The following RNF25 variants were observed in gnomAD, a reference collection of about 807,000 sequenced individuals.
RNF25 encodes ring finger protein 25.
In RNF25, 32 loss-of-function variants were observed where a neutral mutation model predicts 65.0. The ratio of observed to expected loss-of-function variants is 0.49; its 90% CI spans 0.37 to 0.66. The LOEUF (loss-of-function observed/expected upper bound fraction) is 0.66, where lower values mean the gene tolerates loss of function less well. Among genes scored for constraint, RNF25 ranks in the 30% least tolerant of loss-of-function variants. The probability of loss-of-function intolerance (pLI) is 0.00; values close to 1 mark genes in which losing one functional copy is unlikely to be tolerated. For missense variants in RNF25, 493 were observed against 584.8 expected (o/e 0.84, Z 1.62); for synonymous variants, 207 against 221.2 (o/e 0.94, Z 0.57).
intron 8 of RNF25, 52 bp downstream of exon 8, chr2:218,665,103 T>A: frequency 6.4e-7 from 1 of 1,573,096 alleles, no homozygotes; most frequent in Non-Finnish European, 8.7e-7. Context: ...CATTCCTTAC[T>A]CTTTAGAAAA....
intron 7 of RNF25, 106 bp from the exon 8 acceptor site, chr2:218,665,353 G>A: frequency 1.1e-6 from 1 of 923,538 alleles, no homozygotes; most frequent in East Asian, 2.5e-5. Flanking sequence ...AAGGGCACAG[G>A]GACACCGGTT....
At chr2:218,667,840 G>A in intron 5 of RNF25, 72 bp downstream of exon 5, 1 of 1,396,068 alleles carries the variant, frequency 7.2e-7, no homozygotes, top group Non-Finnish European at 1.0e-6. Context: ...TAGGCCCATG[G>A]TTTCCCTTTT....
intron 7 of RNF25, 58 bp downstream of exon 7, chr2:218,665,858 T>C: frequency 6.4e-7 from 1 of 1,558,320 alleles, no homozygotes; most frequent in South Asian, 1.2e-5. Flanking sequence ...GATGGAAAAG[T>C]TTGTGAAAGG....
chr2:218,665,005 T>A, intron 8 of RNF25, 132 bp from the exon 9 acceptor site: 1 of 1,461,804 alleles, frequency 6.8e-7, no homozygotes, highest in Non-Finnish European at 9.4e-7. Flanking sequence ...AGTCTTAGGC[T>A]CCCGCCAGTG....
intron 5 of RNF25, 117 bp from the exon 6 acceptor site, chr2:218,666,347 C>T: frequency 1.3e-6 from 1 of 776,888 alleles, no homozygotes; most frequent in Non-Finnish European, 2.2e-6. Flanking sequence ...AGTTTGTTAC[C>T]TTGTGTTTAT....
rs1472555367 is a variant in RNF25, at chr2:218,667,961, T to C, written c.308A>G (p.His103Arg). 6.2e-7 allele frequency: 1 copy of C among 1,614,224 alleles called. No individual in the cohort carries two copies. The highest frequency in any genetic ancestry group is 1.3e-5 in the African/African-American group (1 of 75,066). ...QIHTILQVLG[H>R]VAKAGLGTAM... Reference sequence around the variant, plus strand: ...AGTGCCCAGCCCAGCCTTGGCCACGTGGCCCAGCACCTGTAAGATCCTGGA... The same window carrying C: ...AGTGCCCAGCCCAGCCTTGGCCACGCGGCCCAGCACCTGTAAGATCCTGGA... Residue 103 changes from histidine (H) to arginine (R), a missense_variant, in exon 5 of 10, where the codon CAC (histidine) becomes CGC (arginine). Transcript: ENST00000295704.
rs1939786966 is a variant in RNF25, at chr2:218,664,885, A to G, written c.667-12T>C. 2 of 1,613,896 alleles carry G rather than the reference A, an allele frequency of 1.2e-6. No individual in the cohort carries two copies. Among genetic ancestry groups the G allele is most frequent in the Non-Finnish European group, 1.7e-6 (2 of 1,179,988 alleles). Reference sequence around the variant, plus strand: ...GGCTGGTACAGCTCCTGGAAGGAAGAATGGCAGAGAGGAAATAATGAACAG... The same window carrying G: ...GGCTGGTACAGCTCCTGGAAGGAAGGATGGCAGAGAGGAAATAATGAACAG... On this transcript the variant is annotated splice_polypyrimidine_tract_variant and intron_variant, in intron 8 of 9. Transcript: ENST00000295704. This position sits in a 1 kb window ranked among gnomAD's most constrained non-coding sequence, Gnocchi z 5.1.
At position 218,664,057 on chromosome 2, in the gene RNF25, G is replaced by T. The variant is rs1454868432; in HGVS notation, c.1280C>A (p.Thr427Lys). Reference protein sequence around the residue: ...CVRWERSKGRTPGSSYPRLPR... With the variant: ...CVRWERSKGRKPGSSYPRLPR... Reference sequence around the variant, plus strand: ...CAGGCGAGGGTAGGAAGAACCGGGTGTCCGGCCTTTAGAGCGCTCCCAGCG... The same window carrying T: ...CAGGCGAGGGTAGGAAGAACCGGGTTTCCGGCCTTTAGAGCGCTCCCAGCG... Residue 427 changes from threonine (T) to lysine (K), a missense_variant, in exon 10 of 10, where the codon ACA becomes AAA. Physicochemically the swap from Thr to Lys is moderately conservative, Grantham distance 78. This residue lies in a region of RNF25 where 351 missense variants were observed against 400.2 expected (regional missense o/e 0.88). Coordinates refer to ENST00000295704, the MANE Select transcript of RNF25 (RefSeq NM_022453.3). This position sits in a 1 kb window ranked among gnomAD's most constrained non-coding sequence, Gnocchi z 5.1. The T allele has an allele frequency of 1.1e-5, 17 of 1,505,542 alleles. No individual in the cohort carries two copies. The highest frequency in any genetic ancestry group is 3.5e-6 in the Non-Finnish European group (4 of 1,127,838). 93.3% of individuals were successfully genotyped at this position (1,505,542 alleles called of 1,614,324 possible). A position where few individuals can be genotyped will look rare whatever the true frequency, so the allele number is the denominator to read the frequency against.
chr2:218,670,574 T>C (rs1422730843), intron 1 of RNF25, among the ~76,000 whole-genome samples: 1 of 151,658 alleles, frequency 6.6e-6, no homozygotes, highest in Non-Finnish European at 1.5e-5. Context: ...CGGGCGCCTG[T>C]AGTCCCAGCT....
chr2:218,671,959 A>T lies in RNF25; in HGVS notation c.12T>A (p.Ser4=). The T allele has an allele frequency of 1.2e-6, 2 of 1,614,140 alleles. No individual in the cohort carries two copies. The highest frequency in any genetic ancestry group is 1.7e-6 in the Non-Finnish European group (2 of 1,180,016). MAA[S]ASAAAGEEDW... ...CCTCCTCCCCTGCAGCTGCAGACGC[A>T]GACGCCGCCATATCTTCACCGGCCC... Residue 4 remains serine (S), a synonymous_variant, in exon 1 of 10, where the codon TCT becomes TCA. Transcript: ENST00000295704.
chr2:218,664,995 A>G lies in RNF25; in HGVS notation c.667-122T>C. 6.7e-7 allele frequency: 1 copy of G among 1,487,328 alleles called. No homozygotes were observed. Among genetic ancestry groups the G allele is most frequent in the Non-Finnish European group, 9.2e-7 (1 of 1,091,958 alleles). The allele number at this position is 1,487,328 out of a possible 1,614,324, so 92.1% of individuals were successfully genotyped here. A position where few individuals can be genotyped will look rare whatever the true frequency, so the allele number is the denominator to read the frequency against. Reference sequence around the variant, plus strand: ...TTGCCCCTCAGGTCTGGGCTCCCAGAGTCTTAGGCTCCCGCCAGTGGGGGA... The same window carrying G: ...TTGCCCCTCAGGTCTGGGCTCCCAGGGTCTTAGGCTCCCGCCAGTGGGGGA... On this transcript the variant is annotated intron_variant, in intron 8 of 9. Coordinates refer to ENST00000295704, the MANE Select transcript of RNF25 (RefSeq NM_022453.3). The surrounding 1 kb of genome is among the most constrained non-coding windows in gnomAD (Gnocchi z 5.1).
Position 218,664,701 on chromosome 2 carries a change from G to A in RNF25, c.801+38C>T, listed in dbSNP as rs1466056298. 1 of 1,613,236 alleles carries A rather than the reference G, an allele frequency of 6.2e-7. No homozygotes were observed. Among genetic ancestry groups the A allele is most frequent in the African/African-American group, 1.3e-5 (1 of 75,038 alleles). Reference sequence around the variant, plus strand: ...GCTGATTGGGGTTTGTAGAAAGGTTGGTGGCATTACAGGACAACTGGGAAG... The same window carrying A: ...GCTGATTGGGGTTTGTAGAAAGGTTAGTGGCATTACAGGACAACTGGGAAG... On this transcript the variant is annotated intron_variant, in intron 9 of 9. Transcript: ENST00000295704. This position sits in a 1 kb window ranked among gnomAD's most constrained non-coding sequence, Gnocchi z 5.1.
At chr2:218,671,740 C>T (rs1035240813) in intron 1 of RNF25, among the ~76,000 whole-genome samples, 190 bp downstream of exon 1, 3 of 152,318 alleles carry the variant, frequency 2.0e-5, no homozygotes, top group South Asian at 2.1e-4. Flanking sequence ...GACCCGTTCT[C>T]CTCTCACTCA....
chr2:218,665,256 G>A lies in RNF25; in HGVS notation c.574-9C>T, dbSNP rs1248850798. 5.6e-6 allele frequency: 9 copies of A among 1,611,578 alleles called. No homozygotes were observed. The highest frequency in any genetic ancestry group is 6.8e-6 in the Non-Finnish European group (8 of 1,178,810). On this transcript the variant is annotated splice_polypyrimidine_tract_variant and intron_variant, in intron 7 of 9. Coordinates refer to ENST00000295704, the MANE Select transcript of RNF25 (RefSeq NM_022453.3). Reference sequence around the variant, plus strand: ...TGCACACCGACTGCCTTCTAAAAAAGAGAAAAATCATATGCCTGTGTCACA... The same window carrying A: ...TGCACACCGACTGCCTTCTAAAAAAAAGAAAAATCATATGCCTGTGTCACA...
chr2:218,668,315 G>C lies in RNF25; in HGVS notation c.143C>G (p.Thr48Ser). 1.2e-6 allele frequency: 2 copies of C among 1,612,902 alleles called. No homozygotes were observed. Among genetic ancestry groups the C allele is most frequent in the Non-Finnish European group, 1.7e-6 (2 of 1,179,596 alleles). Residue 48 changes from threonine to serine, a missense_variant, in exon 3 of 10, where the codon ACT becomes AGT. Transcript: ENST00000295704. ...GTCCTCTGCAGTGGCAGGATGCAAA[G>C]TGATGTAGATCTCCCATGGTGAAGT... ...GRTSPWEIYI[T>S]LHPATAEDQD... is the part of the protein sequence containing the mutation.
chr2:218,669,706 A>G (rs1939906124), intron 1 of RNF25, among the ~76,000 whole-genome samples: 1 of 152,250 alleles, frequency 6.6e-6, no homozygotes, highest in Non-Finnish European at 1.5e-5. Context: ...GCTTTCTCAC[A>G]CTGCTCCCTC....
At chr2:218,668,393 G>T in intron 2 of RNF25, 52 bp from the exon 3 acceptor site, 1 of 1,272,398 alleles carries the variant, frequency 7.9e-7, no homozygotes, top group Non-Finnish European at 1.1e-6. Flanking sequence ...GGGCTTGGGG[G>T]CTGGGGAGGA....
In RNF25 at chr2:218,664,629, C is replaced by G; in HGVS notation, c.802-94G>C. ...TCCTACTATCTGGGCTGACCACGATCAGCCTATCATCTTCCTGGTTAGAAC... is the reference window on the plus strand; with the variant it reads ...TCCTACTATCTGGGCTGACCACGATGAGCCTATCATCTTCCTGGTTAGAAC... On this transcript the variant is annotated intron_variant, in intron 9 of 9. Transcript: ENST00000295704. This position sits in a 1 kb window ranked among gnomAD's most constrained non-coding sequence, Gnocchi z 5.1. 1 of 1,575,466 alleles carries G rather than the reference C, an allele frequency of 6.3e-7. No individual in the cohort carries two copies. The highest frequency in any genetic ancestry group is 8.7e-7 in the Non-Finnish European group (1 of 1,155,760).
chr2:218,665,200 A>G lies in RNF25; in HGVS notation c.621T>C (p.Tyr207=). 6.2e-7 allele frequency: 1 copy of G among 1,614,226 alleles called. No individual in the cohort carries two copies. The highest frequency in any genetic ancestry group is 8.5e-7 in the Non-Finnish European group (1 of 1,180,036). ...GGGCTGCTTTCAGTGAGGCAAGATC[A>G]TACACGAGGGGCTCTCTGCACACTG... ...QCPVCREPLV[Y]DLASLKAAPE... is the part of the protein sequence containing the mutation. The change falls in exon 8 of 10, where the codon TAT becomes TAC. Residue 207 remains tyrosine (Y), a synonymous_variant. Transcript: ENST00000295704.
Sources: gnomAD v4.1 joint callset for allele counts (sites outside exome capture counted in the v4.1 genomes callset) on GRCh38, gnomAD v4.1.1 for gene constraint, gnomAD v4.1.1 regional missense constraint, Gnocchi (gnomAD v3.1) non-coding constraint, MANE v1.5 for transcripts, NCBI Gene and HGNC (gene_info 2026-07-23, HGNC 2026-07-21) for gene names.